RLF: variants seen among roughly 807,000 people sequenced by gnomAD.
The protein encoded by RLF is zinc finger protein Rlf.
Under a neutral mutation model 162.9 loss-of-function variants are expected in RLF, and 7 were observed. The ratio of observed to expected loss-of-function variants is 0.04; its 90% CI spans 0.02 to 0.08. The LOEUF (loss-of-function observed/expected upper bound fraction) is 0.08. RLF is among the 10% of genes least tolerant of loss of function. The probability of loss-of-function intolerance (pLI) is 1.00; values close to 1 mark genes in which losing one functional copy is unlikely to be tolerated. For missense variants in RLF, 1,664 were observed against 2,244.7 expected, an observed-to-expected ratio of 0.74 and a Z score of 5.23; for synonymous variants, 782 against 791.5, an observed-to-expected ratio of 0.99 and a Z score of 0.20.
rs768155669 is a variant in RLF, at chr1:40,239,802, C to G, written c.5100C>G (p.Ser1700=). The change falls in exon 8 of 8, where the codon TCC becomes TCG. Residue 1700 remains serine, a synonymous_variant. Coordinates refer to ENST00000372771, the MANE Select transcript of RLF (RefSeq NM_012421.4). ...QPPPPCKIEN[S]IPNPNGTESG... ...CTCCTCCTTGTAAAATAGAAAATTCCATACCTAATCCCAATGGGACTGAAA... is the reference window on the plus strand; with the variant it reads ...CTCCTCCTTGTAAAATAGAAAATTCGATACCTAATCCCAATGGGACTGAAA... 11 of 1,614,096 alleles carry G rather than the reference C, an allele frequency of 6.8e-6. No homozygotes were observed. The East Asian group carries it at 2.5e-4, about 36-fold the overall frequency.
chr1:40,213,491 C>A (rs1642888552), intron 5 of RLF, among the ~76,000 whole-genome samples: 2 of 152,192 alleles, frequency 1.3e-5, no homozygotes, highest in Non-Finnish European at 2.9e-5. Flanking sequence ...AGCATTACTG[C>A]AGTTTAAAAG....
chr1:40,232,873 T>C (rs1393866304), intron 7 of RLF, among the ~76,000 whole-genome samples: 1 of 152,106 alleles, frequency 6.6e-6, no homozygotes, highest in Admixed American at 6.5e-5. Flanking sequence ...CCTGGCTTTT[T>C]CTTTTTTGGC....
intron 7 of RLF, among the ~76,000 whole-genome samples, chr1:40,233,893 A>G (rs972155235): frequency 6.6e-6 from 1 of 152,178 alleles, no homozygotes; most frequent in Non-Finnish European, 1.5e-5. Context: ...AAGGGATTCT[A>G]CACTCACTCA....
intron 1 of RLF, among the ~76,000 whole-genome samples, chr1:40,166,491 A>G (rs889996806): frequency 6.6e-6 from 1 of 152,104 alleles, no homozygotes; most frequent in African/African-American, 2.4e-5. Flanking sequence ...TGACCCAGCC[A>G]TCCCATTACT....
At position 40,231,638 on chromosome 1, in the gene RLF, A is replaced by G; in HGVS notation, c.1069A>G (p.Ile357Val). ...AACGCAGCAGCATTTATTTTGCCTC[A>G]TTAGAGTTATACAAACTGAAGTGAG... The part of the protein sequence containing the change: ...AKTQQHLFCL[I>V]RVIQTEAQDA... Residue 357 changes from isoleucine to valine, a missense_variant, in exon 7 of 8, where the codon ATT becomes GTT. By Grantham distance (29) the Ile-to-Val change is conservative. Around this residue, in one of 15 missense-constraint regions of RLF, gnomAD observed 287 missense variants for 404.9 expected, o/e 0.71. Transcript: ENST00000372771. 6.2e-7 allele frequency: 1 copy of G among 1,613,470 alleles called. No homozygotes were observed. The highest frequency in any genetic ancestry group is 8.5e-7 in the Non-Finnish European group (1 of 1,179,858).
chr1:40,198,011 GT>G (rs201641728), intron 4 of RLF, among the ~76,000 whole-genome samples: 1 of 150,662 alleles, frequency 6.6e-6, no homozygotes, highest in South Asian at 2.1e-4. Flanking sequence ...TTTCTTTTCT[GT>G]TTTTTTTTGA....
chr1:40,223,462 T>C (rs1205487373), intron 6 of RLF, among the ~76,000 whole-genome samples: 2 of 152,198 alleles, frequency 1.3e-5, no homozygotes, highest in African/African-American at 2.4e-5. Context: ...TGAGATTTAA[T>C]TCTAAGAATG....
Position 40,238,781 on chromosome 1 carries a change from A to T in RLF, c.4079A>T (p.Lys1360Met). 1 of 1,612,766 alleles carries T rather than the reference A, an allele frequency of 6.2e-7. No individual in the cohort carries two copies. The highest frequency in any genetic ancestry group is 8.5e-7 in the Non-Finnish European group (1 of 1,179,572). ...AAAAGGGAACTTGTCAAATGTAAAA[A>T]GATATTTGCTTGCAAATATAAGGAA... ...RTKRELVKCK[K>M]IFACKYKECN... Residue 1360 changes from lysine to methionine, a missense_variant, in exon 8 of 8, where the codon AAG becomes ATG. By Grantham distance (95) the Lys-to-Met change is moderately conservative (BLOSUM62 -1). This residue lies in a region of RLF where 200 missense variants were observed against 207.3 expected (regional missense o/e 0.96). Coordinates refer to ENST00000372771, the MANE Select transcript of RLF (RefSeq NM_012421.4). This position sits in a 1 kb window ranked among gnomAD's most constrained non-coding sequence, Gnocchi z 5.2.
chr1:40,180,280 A>C (rs1642388617), intron 1 of RLF, among the ~76,000 whole-genome samples: 1 of 151,916 alleles, frequency 6.6e-6, no homozygotes, highest in Non-Finnish European at 1.5e-5. Context: ...TTTTTTTGAG[A>C]CAGGGTCTTG....
chr1:40,211,675 G>A (rs1432012325), intron 5 of RLF, among the ~76,000 whole-genome samples: 2 of 151,950 alleles, frequency 1.3e-5, no homozygotes, highest in Admixed American at 1.3e-4. Flanking sequence ...AAGCTGGAGT[G>A]CAATGGCGTG....
chr1:40,170,418 A>G (rs1642227449), intron 1 of RLF, among the ~76,000 whole-genome samples: 1 of 151,972 alleles, frequency 6.6e-6, no homozygotes, highest in Non-Finnish European at 1.5e-5. Context: ...GCGTGCCACC[A>G]CGCCCTGCTA....
chr1:40,230,005 T>C (rs1392344517), intron 6 of RLF, among the ~76,000 whole-genome samples: 3 of 151,522 alleles, frequency 2.0e-5, no homozygotes, highest in African/African-American at 7.3e-5. Flanking sequence ...TCCCAGCTAC[T>C]TGGGAGGCTG....
chr1:40,233,041 GC>G (rs1204890308), intron 7 of RLF, among the ~76,000 whole-genome samples: 2 of 145,938 alleles, frequency 1.4e-5, no homozygotes, highest in Admixed American at 1.4e-4. Context: ...GTGGCAGTGA[GC>G]CGAGATCACA....
chr1:40,194,083 C>T (rs928495052), intron 3 of RLF, among the ~76,000 whole-genome samples: 1 of 152,170 alleles, frequency 6.6e-6, no homozygotes, highest in African/African-American at 2.4e-5. Flanking sequence ...AATTACATTT[C>T]TGACTCCTTT....
chr1:40,230,403 A>C (rs1643137606), intron 6 of RLF, among the ~76,000 whole-genome samples: 1 of 152,202 alleles, frequency 6.6e-6, no homozygotes, highest in African/African-American at 2.4e-5. Context: ...AAGTGATAGC[A>C]TTCTTTTTAG....
chr1:40,228,971 CTTT>C (rs1643117424), intron 6 of RLF, among the ~76,000 whole-genome samples: 1 of 152,032 alleles, frequency 6.6e-6, no homozygotes, highest in Non-Finnish European at 1.5e-5. Flanking sequence ...AGTGGCTAAG[CTTT>C]TTTTGTTTGG....
intron 5 of RLF, among the ~76,000 whole-genome samples, chr1:40,210,519 G>C (rs974705479): frequency 1.3e-5 from 2 of 152,156 alleles, no homozygotes; most frequent in African/African-American, 4.8e-5. Context: ...GACCTGTTGG[G>C]GTTGGAAAAG....
rs377051990 is a variant in RLF at position 40,198,562 on chromosome 1, A to C, written c.607+2798A>C. On this transcript the variant is annotated intron_variant, in intron 4 of 7. Transcript: ENST00000372771. ...ATGATCCACCTGCCTCAGCCTCCCG[A>C]AGTGCTGGGATTACAGGCGTGCACC... is the stretch of plus-strand genomic sequence containing the variant. Among the ~76,000 whole-genome samples the C allele has an allele frequency of 8.5e-5, 13 of 152,236 alleles. 1 individual carries two copies. The highest frequency in any genetic ancestry group is 3.9e-4 in the East Asian group (2 of 5,178).
chr1:40,191,862 ATC>A (rs942196243), intron 3 of RLF, among the ~76,000 whole-genome samples: 11 of 152,248 alleles, frequency 7.2e-5, no homozygotes, highest in Middle Eastern at 3.2e-3. Context: ...AATTATTTGA[ATC>A]TCCATTTACA....
Sources: allele counts gnomAD v4.1 joint callset (sites outside exome capture counted in the v4.1 genomes callset), GRCh38; gene constraint gnomAD v4.1.1; regional missense constraint gnomAD v4.1.1; non-coding constraint Gnocchi (gnomAD v3.1); transcripts MANE v1.5; gene names NCBI Gene and HGNC (gene_info 2026-07-23, HGNC 2026-07-21).